Variants in ZNF106 observed in about 807,000 individuals in gnomAD.
The protein encoded by ZNF106 is SH3-domain binding protein 3.
ZNF106 carries 67 observed loss-of-function variants against 195.1 expected under a neutral mutation model. That is an observed-to-expected ratio of 0.34 (90% CI 0.28 to 0.42). ZNF106 has a LOEUF of 0.42. Ranked by LOEUF, ZNF106 falls within the 10% of genes least tolerant of loss-of-function variation. ZNF106 has a pLI of 1.00. For synonymous variants in ZNF106, 784 were observed against 818.6 expected (o/e 0.96, Z 0.72); for missense variants, 2,118 against 2,304.5 (o/e 0.92, Z 1.66).
intron 14 of ZNF106, among the ~76,000 whole-genome samples, chr15:42,432,071 T>C (rs2055067622): frequency 6.6e-6 from 1 of 152,238 alleles, no homozygotes; most frequent in Admixed American, 6.5e-5. Flanking sequence ...GCTCTGTTAT[T>C]AGGTACCTGT....
At chr15:42,471,862 C>T (rs575016874) in intron 2 of ZNF106, among the ~76,000 whole-genome samples, 59 of 152,300 alleles carry the variant, frequency 3.9e-4, no homozygotes, top group East Asian at 7.7e-4. Flanking sequence ...ATAATAGATG[C>T]TATATCCTTA....
chr15:42,473,486 G>A (rs1428636237), intron 1 of ZNF106, among the ~76,000 whole-genome samples: 1 of 151,944 alleles, frequency 6.6e-6, no homozygotes, highest in African/African-American at 2.4e-5. Flanking sequence ...TCCCACCTTT[G>A]CACCTCTACA....
chr15:42,442,230 G>C lies in ZNF106; in HGVS notation c.3606C>G (p.Thr1202=). The C allele has an allele frequency of 2.5e-6, 4 of 1,614,184 alleles. No individual in the cohort carries two copies. Among genetic ancestry groups the C allele is most frequent in the Non-Finnish European group, 3.4e-6 (4 of 1,180,038 alleles). Residue 1202 remains threonine (T), a synonymous_variant, in exon 10 of 22, where the codon ACC becomes ACG. Coordinates refer to ENST00000564754, the MANE Select transcript of ZNF106 (RefSeq NM_001366845.3). The stretch of plus-strand genomic sequence containing the variant: ...CATGGGTTTGGAAAGTAGGAGACGT[G>C]GTTATTTGAAGAGAGGCTCCGGTGG... The part of the protein sequence containing the change: ...PSPTGASLQI[T]TSPTFQTHGS...
At chr15:42,472,617 T>C (rs1443199140) in intron 1 of ZNF106, among the ~76,000 whole-genome samples, 1 of 152,156 alleles carries the variant, frequency 6.6e-6, no homozygotes, top group Non-Finnish European at 1.5e-5. Context: ...ACCCTACTAC[T>C]GAAACGACTC....
intron 3 of ZNF106, among the ~76,000 whole-genome samples, chr15:42,463,515 A>G (rs944140190): frequency 2.6e-5 from 4 of 152,138 alleles, no homozygotes; most frequent in Non-Finnish European, 5.9e-5. Flanking sequence ...TGAGCAACAG[A>G]GTGGAACCCT....
Position 42,456,832 on chromosome 15 carries a change from A to G in ZNF106, c.317+126T>C, listed in dbSNP as rs951320905. ...TCCATTGCCCTTTGATTAGTAAGACAACAACCTCAAGCTAAACTTTATACC... is the reference window on the plus strand; with the variant it reads ...TCCATTGCCCTTTGATTAGTAAGACGACAACCTCAAGCTAAACTTTATACC... On this transcript the variant is annotated intron_variant, in intron 4 of 21. Coordinates refer to ENST00000564754, the MANE Select transcript of ZNF106 (RefSeq NM_001366845.3). 9.0e-6 allele frequency: 8 copies of G among 887,702 alleles called. No individual in the cohort carries two copies. The Admixed American group carries it at 2.0e-4, about 22-fold the overall frequency. The allele number at this position is 887,702 out of a possible 1,614,324, so 55.0% of individuals were successfully genotyped here.
At chr15:42,457,201 G>A (rs1176626432) in intron 3 of ZNF106, 43 bp from the exon 4 acceptor site, 2 of 1,613,744 alleles carry the variant, frequency 1.2e-6, no homozygotes, top group East Asian at 4.5e-5. Context: ...TCTCCCCACT[G>A]GCATGGCACA....
chr15:42,445,620 C>T (rs1250010298), intron 7 of ZNF106, among the ~76,000 whole-genome samples: 1 of 152,198 alleles, frequency 6.6e-6, no homozygotes, highest in African/African-American at 2.4e-5. Context: ...TAGGTTATCT[C>T]AAAGGTCCTT....
intron 14 of ZNF106, among the ~76,000 whole-genome samples, chr15:42,434,786 T>C (rs545147135): frequency 1.0e-3 from 158 of 151,716 alleles, no homozygotes; most frequent in Non-Finnish European, 1.8e-3. Context: ...TTTTTTTTTT[T>C]TCCTGAGACG....
chr15:42,433,675 G>T (rs992584750), intron 14 of ZNF106, among the ~76,000 whole-genome samples: 7 of 151,426 alleles, frequency 4.6e-5, no homozygotes, highest in African/African-American at 1.7e-4. Flanking sequence ...TAGAGACAGG[G>T]TTTCACCAGG....
rs751293098 is a variant in ZNF106, at chr15:42,444,818, T to C, written c.3360+9A>G. Reference sequence around the variant, plus strand: ...ATCCATTTTTATTAAATCCTCCACATGCTGTTACCTGCTGCTTGAGCATAA... The same window carrying C: ...ATCCATTTTTATTAAATCCTCCACACGCTGTTACCTGCTGCTTGAGCATAA... On this transcript the variant is annotated intron_variant, in intron 8 of 21. Coordinates refer to ENST00000564754, the MANE Select transcript of ZNF106 (RefSeq NM_001366845.3). The C allele has an allele frequency of 1.9e-6, 3 of 1,612,586 alleles. No individual in the cohort carries two copies. In the East Asian group the frequency reaches 6.7e-5, roughly 36 times the overall value.
rs762531831 is a variant in ZNF106, at chr15:42,450,124, G to C, written c.2148C>G (p.Gly716=). The stretch of plus-strand genomic sequence containing the variant: ...CTGCATCCAAGCTAGCACTCTCAAA[G>C]CCTTCTGTTTCATAAGATACATGAG... ...IKSHVSYETE[G]FESASLDAEL... The change falls in exon 5 of 22, where the codon GGC becomes GGG. Residue 716 remains glycine, a synonymous_variant. Transcript: ENST00000564754. 4.3e-6 allele frequency: 7 copies of C among 1,614,202 alleles called. No individual in the cohort carries two copies. In the East Asian group the frequency reaches 1.6e-4, roughly 36 times the overall value.
At chr15:42,420,288 C>G (rs1410948273) in intron 20 of ZNF106, among the ~76,000 whole-genome samples, 1 of 152,150 alleles carries the variant, frequency 6.6e-6, no homozygotes, top group Non-Finnish European at 1.5e-5. Context: ...TGAACTGTCC[C>G]TCTGTCCAAC....
At chr15:42,417,393 G>A (rs766932726) in intron 21 of ZNF106, 33 bp from the exon 22 acceptor site, 1 of 1,610,592 alleles carries the variant, frequency 6.2e-7, no homozygotes, top group Non-Finnish European at 8.5e-7. Context: ...CCATGAGAGA[G>A]AAGTCGATAG....
At chr15:42,424,372 A>G (rs1016322569) in intron 16 of ZNF106, 10 of 328,188 alleles carry the variant, frequency 3.0e-5, no homozygotes, top group African/African-American at 2.1e-4. Context: ...AAAGTGCATC[A>G]CTTGGTGATG....
At position 42,422,500 on chromosome 15, in the gene ZNF106, C is replaced by T; in HGVS notation, c.5373+1G>A. 6.2e-7 allele frequency: 1 copy of T among 1,611,422 alleles called. No homozygotes were observed. The highest frequency in any genetic ancestry group is 8.5e-7 in the Non-Finnish European group (1 of 1,179,286). On this transcript the variant is annotated splice_donor_variant, in intron 18 of 21. Transcript: ENST00000564754. LOFTEE classifies it high-confidence loss of function. ...AGCAAAATACTGAATCTAAATTCTA[C>T]CTGTAATTCATAGACACGAACAAAT...
chr15:42,450,428 C>T lies in ZNF106; in HGVS notation c.1844G>A (p.Gly615Glu). The change falls in exon 5 of 22, where the codon GGA (glycine) becomes GAA (glutamate). Residue 615 changes from glycine (G) to glutamate (E), a missense_variant. Transcript: ENST00000564754. Reference sequence around the variant, plus strand: ...ATGCTTTTCCGTGTCAGATGTCTCTCCATCACTTTCATCTTCTAGTGCGTG... The same window carrying T: ...ATGCTTTTCCGTGTCAGATGTCTCTTCATCACTTTCATCTTCTAGTGCGTG... ...QVHALEDESD[G>E]ETSDTEKHGT... 2 of 1,614,176 alleles carry T rather than the reference C, an allele frequency of 1.2e-6. No individual in the cohort carries two copies. Among genetic ancestry groups the T allele is most frequent in the South Asian group, 1.1e-5 (1 of 91,078 alleles).
At position 42,417,789 on chromosome 15, in the gene ZNF106, A is replaced by C; in HGVS notation, c.5664+16T>G. 2 of 1,607,598 alleles carry C rather than the reference A, an allele frequency of 1.2e-6. No individual in the cohort carries two copies. Among genetic ancestry groups the C allele is most frequent in the Admixed American group, 1.7e-5 (1 of 58,760 alleles). Reference sequence around the variant, plus strand: ...TCTACTGAATCCCAGGCAAACCTCAAGTCCCACTAATGTACCTGTTTGGAT... The same window carrying C: ...TCTACTGAATCCCAGGCAAACCTCACGTCCCACTAATGTACCTGTTTGGAT... On this transcript the variant is annotated intron_variant, in intron 21 of 21. Transcript: ENST00000564754.
At chr15:42,475,818 A>T (rs1301618683) in intron 1 of ZNF106, among the ~76,000 whole-genome samples, 1 of 152,320 alleles carries the variant, frequency 6.6e-6, no homozygotes, top group Middle Eastern at 3.4e-3. Context: ...TCCAATTATT[A>T]ACCACCAAAG....
Sources: allele counts gnomAD v4.1 joint callset (sites outside exome capture counted in the v4.1 genomes callset), GRCh38; gene constraint gnomAD v4.1.1; transcripts MANE v1.5; gene names NCBI Gene and HGNC (gene_info 2026-07-23, HGNC 2026-07-21).